The following HMCN1 variants were observed in gnomAD, a reference collection of about 807,000 sequenced individuals.
HMCN1 encodes hemicentin 1.
Under a neutral mutation model 625.9 loss-of-function variants are expected in HMCN1, and 321 were observed. The observed-to-expected ratio is 0.51, with a 90% CI of 0.47 to 0.56. HMCN1 has a LOEUF of 0.56. Ranked by LOEUF, HMCN1 falls within the 20% of genes least tolerant of loss-of-function variation. The probability of loss-of-function intolerance (pLI) is 0.00; values close to 1 mark genes in which losing one functional copy is unlikely to be tolerated. For synonymous variants in HMCN1, 2,425 were observed against 2,417.6 expected (o/e 1.00, Z -0.09); for missense variants, 6,588 against 6,887.3 (o/e 0.96, Z 1.54).
intron 41 of HMCN1, among the ~76,000 whole-genome samples, chr1:186,046,267 G>A (rs957632537): frequency 9.2e-5 from 14 of 152,028 alleles, no homozygotes; most frequent in African/African-American, 3.1e-4. Context: ...TCAGGAGTTC[G>A]AGACCAGCCC....
intron 11 of HMCN1, among the ~76,000 whole-genome samples, chr1:185,934,395 T>G (rs775918318): frequency 6.6e-6 from 1 of 152,132 alleles, no homozygotes; most frequent in Non-Finnish European, 1.5e-5. Flanking sequence ...ATAAACTAAT[T>G]GTGAGCCAAT....
chr1:186,110,406 C>A (rs955408147), intron 71 of HMCN1, among the ~76,000 whole-genome samples: 1 of 152,116 alleles, frequency 6.6e-6, no homozygotes, highest in South Asian at 2.1e-4. Flanking sequence ...TAGGAGACAC[C>A]GGTGTACTAA....
At position 186,110,977 on chromosome 1, in the gene HMCN1, C is replaced by T. The variant is rs375017994; in HGVS notation, c.10990-1835C>T. Among the ~76,000 whole-genome samples the T allele has an allele frequency of 7.6e-3, 467 of 61,440 alleles. 2 individuals carry two copies. Among genetic ancestry groups the T allele is most frequent in the Middle Eastern group, 0.028 (3 of 108 alleles). The allele number at this position is 61,440 out of a possible 152,430, so 40.3% of individuals were successfully genotyped here. ...TACGGAAGAAAAACCAGAGAAAATT[C>T]TTTTTTTTTTTTTTTTTTTTTGAGA... is the stretch of plus-strand genomic sequence containing the variant. On this transcript the variant is annotated intron_variant, in intron 71 of 106. Coordinates refer to ENST00000271588, the MANE Select transcript of HMCN1 (RefSeq NM_031935.3).
Position 186,123,226 on chromosome 1 carries a change from T to C in HMCN1, c.12499+6T>C. The C allele has an allele frequency of 6.2e-7, 1 of 1,612,108 alleles. No individual in the cohort carries two copies. Among genetic ancestry groups the C allele is most frequent in the Non-Finnish European group, 8.5e-7 (1 of 1,179,004 alleles). ...CACCAAGCTCACCGTCCATGGTAGGTTGTTTAACATGAATTATTTTAGTCT... is the reference window on the plus strand; with the variant it reads ...CACCAAGCTCACCGTCCATGGTAGGCTGTTTAACATGAATTATTTTAGTCT... On this transcript the variant is annotated splice_donor_region_variant and intron_variant, in intron 81 of 106. Transcript: ENST00000271588.
intron 1 of HMCN1, among the ~76,000 whole-genome samples, chr1:185,806,067 TATAATA>T (rs144630914): frequency 1.3e-5 from 2 of 151,670 alleles, no homozygotes; most frequent in African/African-American, 2.4e-5. Flanking sequence ...ACAAACTTGA[TATAATA>T]ATAATAATAA....
intron 69 of HMCN1, among the ~76,000 whole-genome samples, chr1:186,105,537 G>A (rs1485828679): frequency 1.3e-5 from 2 of 152,128 alleles, no homozygotes; most frequent in Admixed American, 6.5e-5. Flanking sequence ...TCCCAAGAGG[G>A]GAGGGGACCA....
chr1:186,114,771 A>G (rs767691725), intron 73 of HMCN1, 48 bp from the exon 74 acceptor site: 14 of 1,611,278 alleles, frequency 8.7e-6, no homozygotes, highest in Non-Finnish European at 1.2e-5. Context: ...AATATGAACA[A>G]TCAAAAAAGG....
At chr1:185,904,333 A>T (rs753263007) in intron 4 of HMCN1, among the ~76,000 whole-genome samples, 3 of 151,814 alleles carry the variant, frequency 2.0e-5, no homozygotes, top group South Asian at 2.1e-4. Flanking sequence ...GCTATAACAT[A>T]GGGTTTACTA....
chr1:186,105,122 G>A (rs1298886395), intron 69 of HMCN1, among the ~76,000 whole-genome samples: 10 of 152,160 alleles, frequency 6.6e-5, no homozygotes, highest in Non-Finnish European at 4.4e-5. Context: ...AGCTATTGTG[G>A]AGAATCCATA....
At chr1:185,802,480 T>TA (rs1422307469) in intron 1 of HMCN1, among the ~76,000 whole-genome samples, 2 of 152,158 alleles carry the variant, frequency 1.3e-5, no homozygotes, top group Admixed American at 1.3e-4. Flanking sequence ...GGCCTAAGAA[T>TA]AGGCCTTTAG....
chr1:186,039,470 A>T (rs1656064866), intron 38 of HMCN1, among the ~76,000 whole-genome samples: 1 of 152,246 alleles, frequency 6.6e-6, no homozygotes, highest in South Asian at 2.1e-4. Flanking sequence ...ACTCCGGCAT[A>T]AAAAACTGAT....
At chr1:186,134,118 A>C (rs1649418558) in intron 86 of HMCN1, among the ~76,000 whole-genome samples, 1 of 152,208 alleles carries the variant, frequency 6.6e-6, no homozygotes, top group Non-Finnish European at 1.5e-5. Context: ...CATATTAAAT[A>C]GTCAAAAATA....
chr1:185,811,759 T>C (rs1315812397), intron 1 of HMCN1, among the ~76,000 whole-genome samples: 2 of 152,134 alleles, frequency 1.3e-5, no homozygotes, highest in African/African-American at 2.4e-5. Flanking sequence ...TGTATATACA[T>C]AGGCATGTGC....
chr1:186,167,659 C>T (rs189992485), intron 100 of HMCN1, among the ~76,000 whole-genome samples: 4 of 152,300 alleles, frequency 2.6e-5, no homozygotes, highest in Middle Eastern at 3.4e-3. Flanking sequence ...TTTCCTCCAA[C>T]CTCTGGCAAA....
intron 18 of HMCN1, among the ~76,000 whole-genome samples, chr1:185,983,803 T>TA (rs1354709751): frequency 6.6e-6 from 1 of 152,200 alleles, no homozygotes; most frequent in Non-Finnish European, 1.5e-5. Flanking sequence ...CTAGTGGTAA[T>TA]AAGGCCTTCT....
intron 36 of HMCN1, among the ~76,000 whole-genome samples, chr1:186,033,830 T>C (rs954580147): frequency 2.0e-5 from 3 of 152,180 alleles, no homozygotes; most frequent in African/African-American, 7.2e-5. Flanking sequence ...TTAAATAACA[T>C]AATTTGGCAA....
chr1:186,130,406 A>T, intron 84 of HMCN1, 101 bp from the exon 85 acceptor site: 1 of 1,184,418 alleles, frequency 8.4e-7, no homozygotes, highest in Non-Finnish European at 1.2e-6. Flanking sequence ...AGGTGGCTTT[A>T]CTCCCCTCTT....
intron 1 of HMCN1, among the ~76,000 whole-genome samples, chr1:185,843,467 A>G (rs1661617815): frequency 1.3e-5 from 2 of 152,208 alleles, no homozygotes; most frequent in African/African-American, 4.8e-5. Context: ...AGGCAGGAAG[A>G]GAGGACAAAG....
intron 1 of HMCN1, among the ~76,000 whole-genome samples, chr1:185,791,428 T>C (rs1366808054): frequency 6.6e-6 from 1 of 152,102 alleles, no homozygotes; most frequent in Non-Finnish European, 1.5e-5. Flanking sequence ...TCTACTTACA[T>C]AAAAAATTTG....
Sources: allele counts gnomAD v4.1 joint callset (sites outside exome capture counted in the v4.1 genomes callset), GRCh38; gene constraint gnomAD v4.1.1; transcripts MANE v1.5; gene names NCBI Gene and HGNC (gene_info 2026-07-23, HGNC 2026-07-21).